MYO1D: variants seen among roughly 807,000 people sequenced by gnomAD.
MYO1D encodes the protein unconventional myosin-Id.
MYO1D carries 83 observed loss-of-function variants against 122.0 expected under a neutral mutation model. The observed-to-expected ratio is 0.68, with a 90% CI of 0.57 to 0.82. The LOEUF (loss-of-function observed/expected upper bound fraction) is 0.82, where lower values mean the gene tolerates loss of function less well. Among genes scored for constraint, MYO1D ranks in the 40% least tolerant of loss-of-function variants. MYO1D has a pLI of 0.00. For missense variants in MYO1D, 1,157 were observed against 1,269.5 expected, an observed-to-expected ratio of 0.91 and a Z score of 1.35; for synonymous variants, 464 against 446.9, an observed-to-expected ratio of 1.04 and a Z score of -0.48.
chr17:32,756,339 A>AAT (rs2089947166), intron 10 of MYO1D: 1 of 220,190 alleles, frequency 4.5e-6, no homozygotes, highest in East Asian at 6.6e-5. Context: ...TTTCATGCAG[A>AAT]ATATATATAC....
chr17:32,765,452 T>A (rs549452923), intron 7 of MYO1D, among the ~76,000 whole-genome samples: 12 of 152,128 alleles, frequency 7.9e-5, no homozygotes, highest in African/African-American at 2.9e-4. Flanking sequence ...TTAAACTTTT[T>A]ATTTTATTTA....
In MYO1D at chr17:32,659,324, G is replaced by A. The variant is rs1426050640; in HGVS notation, c.2136C>T (p.Thr712=). 1.2e-6 allele frequency: 2 copies of A among 1,614,024 alleles called. No homozygotes were observed. The highest frequency in any genetic ancestry group is 2.2e-5 in the East Asian group (1 of 44,894). ...TTCTTTTGTACCGCATGCGGGCCAG[G>A]GTGCCCCGCCACACCTTCACAATAG... The part of the protein sequence containing the change: ...VLFLQKVWRG[T]LARMRYKRTK... Residue 712 remains threonine (T), a synonymous_variant, in exon 17 of 22, where the codon ACC becomes ACT. Transcript: ENST00000318217.
intron 1 of MYO1D, among the ~76,000 whole-genome samples, chr17:32,803,313 A>AT (rs2090476594): frequency 6.6e-6 from 1 of 151,822 alleles, no homozygotes; most frequent in Admixed American, 6.6e-5. Flanking sequence ...CACCCAGCTA[A>AT]TTTTTTGTAT....
intron 1 of MYO1D, among the ~76,000 whole-genome samples, chr17:32,792,959 G>A (rs899104535): frequency 2.6e-5 from 4 of 152,104 alleles, no homozygotes; most frequent in Non-Finnish European, 5.9e-5. Context: ...CCCTGGCTCT[G>A]CCAGTTACTG....
intron 20 of MYO1D, among the ~76,000 whole-genome samples, chr17:32,638,167 C>A (rs2035955): frequency 0.13 from 19,643 of 152,000 alleles, 1,717 homozygotes; most frequent in Middle Eastern, 0.23. Context: ...ACTCATATTG[C>A]GATTCAAGGA....
At chr17:32,538,556 TC>T (rs776720845) in intron 21 of MYO1D, among the ~76,000 whole-genome samples, 3 of 151,708 alleles carry the variant, frequency 2.0e-5, no homozygotes, top group Non-Finnish European at 4.4e-5. Flanking sequence ...AGGCTTGGTG[TC>T]CAAAAGCATT....
chr17:32,792,161 T>A (rs1421265903), intron 1 of MYO1D, among the ~76,000 whole-genome samples: 1 of 152,252 alleles, frequency 6.6e-6, no homozygotes, highest in Non-Finnish European at 1.5e-5. Flanking sequence ...AGCTATTTCT[T>A]TGTGCATATG....
At position 32,669,112 on chromosome 17, in the gene MYO1D, T is replaced by C. The variant is rs918746534; in HGVS notation, c.2122-9774A>G. On this transcript the variant is annotated intron_variant, in intron 16 of 21. Transcript: ENST00000318217. ...ACTAATGTTGAAGGGGATCAGGATA[T>C]GCCACCCAAAATTATGCCACTTTGG... Among the ~76,000 whole-genome samples the C allele has an allele frequency of 4.6e-5, 7 of 152,324 alleles. No individual in the cohort carries two copies. In the East Asian group the frequency reaches 1.3e-3, roughly 29 times the overall value.
At chr17:32,552,419 C>CCCATCCATCCATCCATCCATCCATCCAT (rs60290556) in intron 21 of MYO1D, among the ~76,000 whole-genome samples, 1 of 143,500 alleles carries the variant, frequency 7.0e-6, no homozygotes. Flanking sequence ...CATCCATCCA[C>CCCATCCATCCATCCATCCATCCATCCAT]CCATCCATCC....
At chr17:32,592,377 G>A (rs1452977777) in intron 21 of MYO1D, among the ~76,000 whole-genome samples, 2 of 152,102 alleles carry the variant, frequency 1.3e-5, no homozygotes, top group Non-Finnish European at 2.9e-5. Context: ...TAGGCCTCTC[G>A]GACTGTCTTC....
chr17:32,770,802 T>C (rs1268420869), intron 6 of MYO1D, among the ~76,000 whole-genome samples: 10 of 152,138 alleles, frequency 6.6e-5, no homozygotes, highest in African/African-American at 2.4e-4. Context: ...TCTTAGGAGG[T>C]AGGCTTCCTA....
intron 21 of MYO1D, among the ~76,000 whole-genome samples, chr17:32,513,824 T>A (rs2150861287): frequency 6.6e-6 from 1 of 151,542 alleles, no homozygotes; most frequent in East Asian, 1.9e-4. Context: ...CCTTAAGATT[T>A]CTTTCTTTCT....
At chr17:32,588,125 GA>G (rs2087407588) in intron 21 of MYO1D, among the ~76,000 whole-genome samples, 1 of 152,204 alleles carries the variant, frequency 6.6e-6, no homozygotes, top group African/African-American at 2.4e-5. Context: ...GAAGATTTCA[GA>G]ATTTAGGATA....
chr17:32,694,695 G>A (rs1188194325), intron 16 of MYO1D, among the ~76,000 whole-genome samples: 13 of 112,314 alleles, frequency 1.2e-4, no homozygotes, highest in Non-Finnish European at 1.3e-4. Flanking sequence ...GCGACAGAGC[G>A]AGACTCCGTC....
chr17:32,594,145 G>C (rs959677407), intron 21 of MYO1D: 1 of 156,592 alleles, frequency 6.4e-6, no homozygotes, highest in African/African-American at 2.4e-5. Flanking sequence ...TGATAACAAA[G>C]TAGGCTCTCT....
chr17:32,763,422 T>C (rs2090022796), intron 8 of MYO1D, among the ~76,000 whole-genome samples: 1 of 152,152 alleles, frequency 6.6e-6, no homozygotes, highest in Admixed American at 6.5e-5. Context: ...TTAAAGTTTA[T>C]GATATGCTAA....
intron 1 of MYO1D, among the ~76,000 whole-genome samples, chr17:32,835,615 C>A (rs2090814730): frequency 1.3e-5 from 2 of 152,314 alleles, no homozygotes; most frequent in Admixed American, 6.5e-5. Flanking sequence ...GAGAACATAA[C>A]CTACTCTTGT....
chr17:32,567,194 C>T (rs927361175), intron 21 of MYO1D, among the ~76,000 whole-genome samples: 2 of 152,110 alleles, frequency 1.3e-5, no homozygotes, highest in African/African-American at 4.8e-5. Context: ...TGAATTAGAG[C>T]ATTTGTCTAA....
Position 32,816,509 on chromosome 17 carries a change from G to A in MYO1D, c.96-35725C>T, listed in dbSNP as rs576148460. 6.6e-5 allele frequency among the ~76,000 whole-genome samples: 10 copies of A among 152,238 alleles called. No homozygotes were observed. The South Asian group carries it at 2.1e-3, about 32-fold the overall frequency. ...TATTTTGGTTTCTCTCCACCTGATT[G>A]CTGTAGTACTATTAAAACTGAATTT... is the stretch of plus-strand genomic sequence containing the variant. On this transcript the variant is annotated intron_variant, in intron 1 of 21. Coordinates refer to ENST00000318217, the MANE Select transcript of MYO1D (RefSeq NM_015194.3).
Sources: gnomAD v4.1 joint callset for allele counts (sites outside exome capture counted in the v4.1 genomes callset) on GRCh38, gnomAD v4.1.1 for gene constraint, MANE v1.5 for transcripts, NCBI Gene and HGNC (gene_info 2026-07-23, HGNC 2026-07-21) for gene names.